SCGN: variants seen among roughly 807,000 people sequenced by gnomAD.
The protein encoded by SCGN is secretagogin, EF-hand calcium binding protein, also known as secretagogin.
Under a neutral mutation model 39.7 loss-of-function variants are expected in SCGN, and 30 were observed. The observed-to-expected ratio is 0.76, with a 90% CI of 0.57 to 1.03. SCGN has a LOEUF of 1.03. SCGN is among the 50% of genes least tolerant of loss of function. The probability of loss-of-function intolerance (pLI) is 0.00; values close to 1 mark genes in which losing one functional copy is unlikely to be tolerated. For missense variants in SCGN, 353 were observed against 349.4 expected (o/e 1.01, Z -0.08); for synonymous variants, 106 against 114.1 (o/e 0.93, Z 0.45).
At chr6:25,676,205 A>G (rs1759561243) in intron 6 of SCGN, among the ~76,000 whole-genome samples, 1 of 152,166 alleles carries the variant, frequency 6.6e-6, no homozygotes, top group Admixed American at 6.5e-5. Context: ...TTATTTCTCA[A>G]CTGAATTGCA....
Position 25,654,579 on chromosome 6 carries a change from G to T in SCGN, c.153+1127G>T, listed in dbSNP as rs1177401422. Among the ~76,000 whole-genome samples, 5 of 151,578 alleles carry T rather than the reference G, an allele frequency of 3.3e-5. No individual in the cohort carries two copies. In the East Asian group the frequency reaches 9.7e-4, roughly 29 times the overall value. ...TCTTTCTTGTCTCTGTTTCTCATTT[G>T]TTTCTCCATCTCTCTGTCTCTGTGT... On this transcript the variant is annotated intron_variant, in intron 2 of 10. Coordinates refer to ENST00000377961, the MANE Select transcript of SCGN (RefSeq NM_006998.4).
At chr6:25,653,568 A>G (rs1760173232) in intron 2 of SCGN, 116 bp downstream of exon 2, 2 of 732,160 alleles carry the variant, frequency 2.7e-6, no homozygotes, top group South Asian at 1.8e-5. Flanking sequence ...CCTTGCATGT[A>G]TGTAATTTCT....
At chr6:25,685,759 C>G (rs147974922) in intron 7 of SCGN, among the ~76,000 whole-genome samples, 1 of 151,952 alleles carries the variant, frequency 6.6e-6, no homozygotes, top group Non-Finnish European at 1.5e-5. Context: ...TTAAAGTTTA[C>G]CCTTTTAAAG....
chr6:25,652,855 C>CTTT (rs1170986341), intron 1 of SCGN, among the ~76,000 whole-genome samples: 19 of 149,184 alleles, frequency 1.3e-4, no homozygotes, highest in African/African-American at 4.6e-4. Flanking sequence ...AATGGGCTCA[C>CTTT]TTTTACGCAG....
At chr6:25,696,681 G>C (rs931845148) in intron 10 of SCGN, among the ~76,000 whole-genome samples, 1 of 152,154 alleles carries the variant, frequency 6.6e-6, no homozygotes, top group Non-Finnish European at 1.5e-5. Flanking sequence ...TCTGAAGAAA[G>C]AGCAGGTGTG....
chr6:25,679,314 T>C (rs1759605657), intron 6 of SCGN: 1 of 153,204 alleles, frequency 6.5e-6, no homozygotes, highest in Admixed American at 6.5e-5. Context: ...ATTCTGTGTT[T>C]TTGGTCAGAG....
intron 6 of SCGN, among the ~76,000 whole-genome samples, chr6:25,672,301 T>C (rs999791802): frequency 1.3e-4 from 20 of 152,228 alleles, no homozygotes; most frequent in African/African-American, 4.1e-4. Flanking sequence ...GTGAGCAAAA[T>C]AGACAAAGGG....
At chr6:25,673,153 C>A (rs1226186022) in intron 6 of SCGN, among the ~76,000 whole-genome samples, 3 of 152,154 alleles carry the variant, frequency 2.0e-5, no homozygotes, top group Non-Finnish European at 4.4e-5. Flanking sequence ...CTGCTATCTC[C>A]CCTGTCAGTG....
At chr6:25,656,454 G>C (rs1382507203) in intron 2 of SCGN, among the ~76,000 whole-genome samples, 1 of 152,160 alleles carries the variant, frequency 6.6e-6, no homozygotes. Flanking sequence ...AGCCTCGGAG[G>C]GGATTGACTT....
chr6:25,692,799 G>C (rs746414917), intron 10 of SCGN, among the ~76,000 whole-genome samples: 1 of 152,248 alleles, frequency 6.6e-6, no homozygotes, highest in South Asian at 2.1e-4. Context: ...GCCTTGGTTG[G>C]GGGTGGCTGC....
At chr6:25,686,543 G>C (rs558291500) in intron 7 of SCGN, among the ~76,000 whole-genome samples, 1 of 152,216 alleles carries the variant, frequency 6.6e-6, no homozygotes, top group South Asian at 2.1e-4. Context: ...AAAATTGGGC[G>C]ATTTGTCCTT....
intron 3 of SCGN, among the ~76,000 whole-genome samples, chr6:25,664,645 G>A (rs1321331830): frequency 1.3e-5 from 2 of 152,140 alleles, no homozygotes; most frequent in African/African-American, 2.4e-5. Context: ...AACATATCAA[G>A]CACTTAACAA....
chr6:25,656,211 C>T (rs1760224482), intron 2 of SCGN, among the ~76,000 whole-genome samples: 1 of 152,180 alleles, frequency 6.6e-6, no homozygotes, highest in South Asian at 2.1e-4. Flanking sequence ...ATTGGTAATG[C>T]CCAGTGAGTA....
At chr6:25,682,900 A>G (rs1340707378) in intron 7 of SCGN, among the ~76,000 whole-genome samples, 3 of 152,166 alleles carry the variant, frequency 2.0e-5, no homozygotes, top group Non-Finnish European at 4.4e-5. Flanking sequence ...AGAATCACCA[A>G]ATCCCACACC....
intron 7 of SCGN, among the ~76,000 whole-genome samples, chr6:25,684,844 A>C (rs144673693): frequency 6.6e-6 from 1 of 152,150 alleles, no homozygotes; most frequent in Non-Finnish European, 1.5e-5. Context: ...TCCACATCCT[A>C]ATATCCAGAA....
At position 25,653,425 on chromosome 6, in the gene SCGN, C is replaced by T. The variant is rs1582567817; in HGVS notation, c.126C>T (p.Leu42=). ...IEEKELDAFF[L]HMLMKLGTDD... Reference sequence around the variant, plus strand: ...AGAAGGAACTCGATGCTTTCTTTCTCCACATGTTGATGAAACTGGGTACTG... The same window carrying T: ...AGAAGGAACTCGATGCTTTCTTTCTTCACATGTTGATGAAACTGGGTACTG... Residue 42 remains leucine (L), a synonymous_variant, in exon 2 of 11, where the codon CTC becomes CTT. Transcript: ENST00000377961. The T allele has an allele frequency of 6.2e-7, 1 of 1,613,126 alleles. No individual in the cohort carries two copies. Among genetic ancestry groups the T allele is most frequent in the Non-Finnish European group, 8.5e-7 (1 of 1,179,390 alleles).
chr6:25,678,226 GGAA>G (rs1185998551), intron 6 of SCGN, among the ~76,000 whole-genome samples: 2 of 152,094 alleles, frequency 1.3e-5, no homozygotes, highest in African/African-American at 2.4e-5. Context: ...GGTAGAGGTG[GGAA>G]GAGTGATGAA....
intron 4 of SCGN, among the ~76,000 whole-genome samples, chr6:25,667,615 A>G (rs1760443792): frequency 6.6e-6 from 1 of 152,050 alleles, no homozygotes. Context: ...ACCACATGTC[A>G]TATTGCTACC....
chr6:25,700,562 G>A (rs994440072), intron 10 of SCGN, among the ~76,000 whole-genome samples: 8 of 152,098 alleles, frequency 5.3e-5, no homozygotes, highest in African/African-American at 1.7e-4. Flanking sequence ...AAAAGAGGTG[G>A]AATTATTTAC....
Sources: gnomAD v4.1 joint callset for allele counts (sites outside exome capture counted in the v4.1 genomes callset) on GRCh38, gnomAD v4.1.1 for gene constraint, MANE v1.5 for transcripts, NCBI Gene and HGNC (gene_info 2026-07-23, HGNC 2026-07-21) for gene names.